The following CHD9 variants were observed in gnomAD, a reference collection of about 807,000 sequenced individuals.
CHD9 encodes chromodomain helicase DNA binding protein 9.
In CHD9, 77 loss-of-function variants were observed where a neutral mutation model predicts 316.1. The observed-to-expected ratio is 0.24, with a 90% CI of 0.20 to 0.29. The LOEUF (loss-of-function observed/expected upper bound fraction) is 0.29, where lower values mean the gene tolerates loss of function less well. CHD9 is among the 10% of genes least tolerant of loss of function. The probability of loss-of-function intolerance (pLI) is 1.00; values close to 1 mark genes in which losing one functional copy is unlikely to be tolerated. For synonymous variants in CHD9, 1,129 were observed against 1,158.3 expected (o/e 0.97, Z 0.51); for missense variants, 2,763 against 3,438.1 (o/e 0.80, Z 4.91).
In CHD9 at chr16:53,147,579, A is replaced by G. The variant is rs145988801; in HGVS notation, c.-164-8347A>G. Among the ~76,000 whole-genome samples the G allele has an allele frequency of 1.6e-3, 237 of 152,226 alleles. 3 individuals are homozygous for G. The highest frequency in any genetic ancestry group is 5.4e-3 in the African/African-American group (225 of 41,550). ...TACCTCTGTCTCTGTGAATTTTCCCATTCTAAATACTTCATGTAAGTGGAA... is the reference window on the plus strand; with the variant it reads ...TACCTCTGTCTCTGTGAATTTTCCCGTTCTAAATACTTCATGTAAGTGGAA... On this transcript the variant is annotated intron_variant, in intron 1 of 38. Coordinates refer to ENST00000447540, the MANE Select transcript of CHD9 (RefSeq NM_001308319.2).
At chr16:53,264,701 G>A (rs1260595868) in intron 20 of CHD9, among the ~76,000 whole-genome samples, 2 of 152,148 alleles carry the variant, frequency 1.3e-5, no homozygotes, top group Admixed American at 1.3e-4. Context: ...AGTGATCAAG[G>A]GAGGTCACTG....
intron 2 of CHD9, among the ~76,000 whole-genome samples, chr16:53,177,084 T>G (rs968379913): frequency 6.6e-6 from 1 of 152,164 alleles, no homozygotes; most frequent in Non-Finnish European, 1.5e-5. Context: ...GCCTCCCAGG[T>G]AGCTGGGATT....
At chr16:53,290,794 A>T (rs2054269477) in intron 27 of CHD9, among the ~76,000 whole-genome samples, 1 of 152,206 alleles carries the variant, frequency 6.6e-6, no homozygotes, top group African/African-American at 2.4e-5. Context: ...CAAAAGAAAA[A>T]TATGAAAGGC....
rs775643486 is a variant in CHD9, at chr16:53,308,755, G to A, written c.7123G>A (p.Gly2375Ser). ...GAAAAGACCATTTGATGGTGAAGAC[G>A]GTGCTCTGGGGCAGCAGCAGTACCT... is the stretch of plus-strand genomic sequence containing the variant. ...AQKRPFDGEDGALGQQQYLTR... is the reference protein window; with the variant it reads ...AQKRPFDGEDSALGQQQYLTR... The change falls in exon 34 of 39, where the codon GGT becomes AGT. Residue 2375 changes from glycine (G) to serine (S), a missense_variant. By Grantham distance (56) the Gly-to-Ser change is moderately conservative (BLOSUM62 0). This residue lies in a region of CHD9 where 663 missense variants were observed against 751.2 expected (regional missense o/e 0.88). Coordinates refer to ENST00000447540, the MANE Select transcript of CHD9 (RefSeq NM_001308319.2). 29 of 1,613,362 alleles carry A rather than the reference G, an allele frequency of 1.8e-5. No homozygotes were observed. The highest frequency in any genetic ancestry group is 2.2e-5 in the Non-Finnish European group (26 of 1,179,572).
At chr16:53,147,859 G>A (rs2152726768) in intron 1 of CHD9, among the ~76,000 whole-genome samples, 2 of 152,184 alleles carry the variant, frequency 1.3e-5, no homozygotes, top group East Asian at 3.9e-4. Context: ...ATGTACCTAG[G>A]AGTGATATTG....
chr16:53,277,031 ATAC>A (rs2052908876), intron 24 of CHD9, among the ~76,000 whole-genome samples: 1 of 152,310 alleles, frequency 6.6e-6, no homozygotes, highest in African/African-American at 2.4e-5. Context: ...TTCTGGAAAG[ATAC>A]AACCATCCTA....
intron 4 of CHD9, chr16:53,223,529 C>T (rs1213061040): frequency 2.0e-5 from 3 of 152,500 alleles, no homozygotes; most frequent in Non-Finnish European, 4.4e-5. Flanking sequence ...GACTGAAGCT[C>T]CTAATATTAC....
intron 2 of CHD9, among the ~76,000 whole-genome samples, chr16:53,175,013 C>T (rs533690211): frequency 6.6e-5 from 10 of 152,136 alleles, no homozygotes; most frequent in African/African-American, 1.9e-4. Context: ...CCCGGACCAG[C>T]GCAATCTTTT....
At chr16:53,285,538 GCCT>G in intron 24 of CHD9, 55 bp from the exon 25 acceptor site, 1 of 996,972 alleles carries the variant, frequency 1.0e-6, no homozygotes, top group Non-Finnish European at 1.5e-6. Flanking sequence ...GTAAAATTTT[GCCT>G]CCTTTTTGAC....
chr16:53,307,254 GT>G (rs2056070284), intron 32 of CHD9, among the ~76,000 whole-genome samples: 1 of 152,084 alleles, frequency 6.6e-6, no homozygotes, highest in South Asian at 2.1e-4. Flanking sequence ...AACTATCTTT[GT>G]GGTATAATTT....
intron 2 of CHD9, among the ~76,000 whole-genome samples, chr16:53,198,631 A>G (rs193236138): frequency 2.6e-4 from 39 of 152,272 alleles, no homozygotes; most frequent in Middle Eastern, 6.8e-3. Context: ...CGGCCTCAAT[A>G]TTTGTTTAAA....
intron 2 of CHD9, among the ~76,000 whole-genome samples, chr16:53,160,567 A>G (rs976716099): frequency 3.3e-5 from 5 of 152,106 alleles, no homozygotes; most frequent in African/African-American, 1.2e-4. Flanking sequence ...CATGTCCAAA[A>G]ACTGATAAAG....
At chr16:53,268,148 C>G in intron 22 of CHD9, 22 bp downstream of exon 22, 1 of 1,513,210 alleles carries the variant, frequency 6.6e-7, no homozygotes, top group African/African-American at 1.4e-5. Flanking sequence ...GTTTCATTTG[C>G]TTTTAAAATT....
At chr16:53,098,713 C>T (rs1390688535) in intron 1 of CHD9, among the ~76,000 whole-genome samples, 2 of 152,092 alleles carry the variant, frequency 1.3e-5, no homozygotes, top group Non-Finnish European at 2.9e-5. Flanking sequence ...CTTAATATAG[C>T]GATTTTTCTA....
intron 11 of CHD9, among the ~76,000 whole-genome samples, chr16:53,237,775 A>G (rs2048753992): frequency 6.6e-6 from 1 of 152,016 alleles, no homozygotes; most frequent in Non-Finnish European, 1.5e-5. Context: ...TTGAAATTAT[A>G]GCTGATTTTA....
intron 1 of CHD9, among the ~76,000 whole-genome samples, chr16:53,075,154 G>T (rs912162067): frequency 1.3e-5 from 2 of 152,146 alleles, no homozygotes. Flanking sequence ...TGGATTTCAG[G>T]CTTGCATGGG....
In CHD9 at chr16:53,157,480, A is replaced by G. The variant is rs1423280382; in HGVS notation, c.1391A>G (p.His464Arg). 3.7e-6 allele frequency: 6 copies of G among 1,613,926 alleles called. No individual in the cohort carries two copies. In the East Asian group the frequency reaches 8.9e-5, roughly 24 times the overall value. Residue 464 changes from histidine to arginine, a missense_variant, in exon 2 of 39, where the codon CAT (histidine) becomes CGT (arginine). This residue lies in a region of CHD9 where 859 missense variants were observed against 890.4 expected (regional missense o/e 0.96). Transcript: ENST00000447540. ...TTGCAAAGTCAGGCTCGGAGTTGGC[A>G]TTCATCATTTTCTAATCATCAGCAT... Reference protein sequence around the residue: ...TQLQSQARSWHSSFSNHQHLH... With the variant: ...TQLQSQARSWRSSFSNHQHLH...
chr16:53,175,278 G>A lies in CHD9; in HGVS notation c.1452+17737G>A, dbSNP rs982950183. Among the ~76,000 whole-genome samples the A allele has an allele frequency of 2.0e-5, 3 of 152,190 alleles. No individual in the cohort carries two copies. The East Asian group carries it at 5.8e-4, about 29-fold the overall frequency. On this transcript the variant is annotated intron_variant, in intron 2 of 38. Transcript: ENST00000447540. Reference sequence around the variant, plus strand: ...TTTGCCATATAAACCAGTTACCTTGGGTTCTTGGCTTCAAGTTCTATCTCC... The same window carrying A: ...TTTGCCATATAAACCAGTTACCTTGAGTTCTTGGCTTCAAGTTCTATCTCC...
chr16:53,319,962 T>C, intron 37 of CHD9: 1 of 516,240 alleles, frequency 1.9e-6, no homozygotes, highest in Non-Finnish European at 2.6e-6. Flanking sequence ...GTAAATATAC[T>C]TATTTCCTTA....
Sources: allele counts gnomAD v4.1 joint callset (sites outside exome capture counted in the v4.1 genomes callset), GRCh38; gene constraint gnomAD v4.1.1; regional missense constraint gnomAD v4.1.1; transcripts MANE v1.5; gene names NCBI Gene and HGNC (gene_info 2026-07-23, HGNC 2026-07-21).